Variants in HDDC2 observed in about 807,000 individuals in gnomAD.
HDDC2 encodes the protein HD domain containing 2.
A neutral mutation model predicts 25.5 loss-of-function variants in HDDC2; 25 were observed. The ratio of observed to expected loss-of-function variants is 0.98; its 90% CI spans 0.72 to 1.37. The LOEUF is 1.37. Ranked by LOEUF, HDDC2 falls within the 40% of genes most tolerant of loss-of-function variation. The probability of loss-of-function intolerance (pLI) is 0.00; values close to 1 mark genes in which losing one functional copy is unlikely to be tolerated. For missense variants in HDDC2, 264 were observed against 253.1 expected (o/e 1.04, Z -0.29); for synonymous variants, 106 against 89.7 (o/e 1.18, Z -1.03).
In HDDC2 at chr6:125,292,925, A is replaced by T. The variant is rs771680766; in HGVS notation, c.310-16T>A. On this transcript the variant is annotated splice_polypyrimidine_tract_variant and intron_variant, in intron 3 of 5. Transcript: ENST00000398153. ...TCATAGCTTCCTGAAATATTAAACCATTATCTTTAATTATATTGACATTTA... is the reference window on the plus strand; with the variant it reads ...TCATAGCTTCCTGAAATATTAAACCTTTATCTTTAATTATATTGACATTTA... The T allele has an allele frequency of 1.3e-6, 2 of 1,554,168 alleles. No homozygotes were observed. Among genetic ancestry groups the T allele is most frequent in the Non-Finnish European group, 1.8e-6 (2 of 1,125,722 alleles).
At chr6:125,300,895 G>A (rs1022587016) in intron 1 of HDDC2, among the ~76,000 whole-genome samples, 9 of 136,242 alleles carry the variant, frequency 6.6e-5, no homozygotes, top group African/African-American at 3.4e-5. Context: ...AAGTCCATTC[G>A]TCAAATTATT....
Position 125,277,252 on chromosome 6 carries a change from G to A in HDDC2, c.379-12C>T. The A allele has an allele frequency of 2.5e-6, 4 of 1,613,504 alleles. No individual in the cohort carries two copies. In the South Asian group the frequency reaches 4.4e-5, roughly 18 times the overall value. On this transcript the variant is annotated splice_polypyrimidine_tract_variant and intron_variant, in intron 4 of 5. Transcript: ENST00000398153. ...TGGGTCTCGTACTCCTAAGTAAAGG[G>A]ACAATTAAAGCAGCATGATTAGCGC...
intron 3 of HDDC2, among the ~76,000 whole-genome samples, chr6:125,296,601 G>T (rs1380690577): frequency 6.6e-6 from 1 of 152,200 alleles, no homozygotes; most frequent in East Asian, 1.9e-4. Flanking sequence ...GAACATCAGT[G>T]CTCTCCAAGC....
chr6:125,279,580 C>A (rs1798425517), intron 4 of HDDC2, among the ~76,000 whole-genome samples: 1 of 152,132 alleles, frequency 6.6e-6, no homozygotes, highest in Admixed American at 6.5e-5. Flanking sequence ...TGTTAATTAG[C>A]TTGCTTAGCC....
intron 3 of HDDC2, among the ~76,000 whole-genome samples, chr6:125,295,425 G>A (rs1017391735): frequency 3.9e-5 from 6 of 152,042 alleles, no homozygotes; most frequent in African/African-American, 1.2e-4. Context: ...TTTCAAACCC[G>A]GCTCGCCATT....
chr6:125,281,038 C>G (rs1411236352), intron 4 of HDDC2, among the ~76,000 whole-genome samples: 5 of 152,224 alleles, frequency 3.3e-5, no homozygotes, highest in African/African-American at 4.8e-5. Flanking sequence ...GTTCTGCAGC[C>G]TCTGCTGGTG....
intron 4 of HDDC2, among the ~76,000 whole-genome samples, chr6:125,283,178 A>G (rs889949843): frequency 6.6e-6 from 1 of 152,156 alleles, no homozygotes; most frequent in Non-Finnish European, 1.5e-5. Flanking sequence ...AAATAATAAG[A>G]GCTATTTATG....
chr6:125,276,132 A>G lies in HDDC2; in HGVS notation c.*14T>C. 2.5e-6 allele frequency: 4 copies of G among 1,572,846 alleles called. No homozygotes were observed. The highest frequency in any genetic ancestry group is 3.5e-6 in the Non-Finnish European group (4 of 1,142,206). ...TAATGTTTGTTACAGGAGTGCAGCA[A>G]TTTAGAGAGTGTCTCAGGAGTGTGG... is the stretch of plus-strand genomic sequence containing the variant. On this transcript the variant is annotated 3_prime_UTR_variant, in exon 6 of 6. Coordinates refer to ENST00000398153, the MANE Select transcript of HDDC2 (RefSeq NM_016063.3).
At chr6:125,280,939 A>G (rs9482634) in intron 4 of HDDC2, among the ~76,000 whole-genome samples, 29,829 of 152,232 alleles carry the variant, frequency 0.2, 3,294 homozygotes, top group African/African-American at 0.3. Context: ...GTCGACAGAC[A>G]TCTCATACAG....
At chr6:125,282,784 A>G (rs1158829816) in intron 4 of HDDC2, among the ~76,000 whole-genome samples, 4 of 152,260 alleles carry the variant, frequency 2.6e-5, no homozygotes, top group Non-Finnish European at 5.9e-5. Flanking sequence ...ACGTGCGAAG[A>G]CACACACAGG....
chr6:125,301,442 T>TACACACACAC (rs3039619), intron 1 of HDDC2, among the ~76,000 whole-genome samples: 3,575 of 145,158 alleles, frequency 0.025, 152 homozygotes, highest in African/African-American at 0.085. Context: ...AGCCGCGCTT[T>TACACACACAC]ACACACACAC....
At chr6:125,288,131 A>G (rs1798570341) in intron 4 of HDDC2, among the ~76,000 whole-genome samples, 1 of 152,258 alleles carries the variant, frequency 6.6e-6, no homozygotes, top group African/African-American at 2.4e-5. Context: ...CAAGGCTTCT[A>G]AAAAGCTGGA....
intron 4 of HDDC2, among the ~76,000 whole-genome samples, chr6:125,281,574 G>A (rs1340663930): frequency 1.3e-5 from 2 of 152,148 alleles, no homozygotes; most frequent in East Asian, 3.9e-4. Context: ...ACAACTATCA[G>A]TAGCCAAATC....
chr6:125,297,915 A>T (rs1331723540), intron 3 of HDDC2, among the ~76,000 whole-genome samples: 1 of 152,224 alleles, frequency 6.6e-6, no homozygotes, highest in African/African-American at 2.4e-5. Flanking sequence ...TTCTAATACA[A>T]ATACTTGACT....
intron 4 of HDDC2, among the ~76,000 whole-genome samples, chr6:125,287,911 G>A (rs925223996): frequency 2.0e-5 from 3 of 152,200 alleles, no homozygotes; most frequent in Non-Finnish European, 4.4e-5. Flanking sequence ...CGGGGTTGCC[G>A]GATCCAGCCA....
At chr6:125,279,433 A>G (rs1024677627) in intron 4 of HDDC2, 20 of 152,214 alleles carry the variant, frequency 1.3e-4, no homozygotes, top group African/African-American at 4.8e-4. Context: ...ACATCTCTAA[A>G]AGAAAGCCAC....
At chr6:125,297,983 T>G (rs1798729650) in intron 3 of HDDC2, among the ~76,000 whole-genome samples, 1 of 152,194 alleles carries the variant, frequency 6.6e-6, no homozygotes, top group South Asian at 2.1e-4. Context: ...TAAATAATAA[T>G]TACAATAATG....
At chr6:125,301,128 T>G (rs1246806230) in intron 1 of HDDC2, among the ~76,000 whole-genome samples, 1 of 152,200 alleles carries the variant, frequency 6.6e-6, no homozygotes, top group East Asian at 1.9e-4. Flanking sequence ...GCCGTGACTC[T>G]TCCTTTTATT....
At chr6:125,293,354 T>C (rs769779268) in intron 3 of HDDC2, 15 of 206,020 alleles carry the variant, frequency 7.3e-5, no homozygotes, top group Non-Finnish European at 1.4e-4. Flanking sequence ...TTTTTGTATA[T>C]TCATTTTCTA....
Sources: allele counts gnomAD v4.1 joint callset (sites outside exome capture counted in the v4.1 genomes callset), GRCh38; gene constraint gnomAD v4.1.1; transcripts MANE v1.5; gene names NCBI Gene and HGNC (gene_info 2026-07-23, HGNC 2026-07-21).